CNTLN: variants seen among roughly 807,000 people sequenced by gnomAD.
The protein encoded by CNTLN is centlein.
In CNTLN, 212 loss-of-function variants were observed where a neutral mutation model predicts 180.0. That is an observed-to-expected ratio of 1.18 (90% CI 1.05 to 1.32). The LOEUF is 1.32. CNTLN is among the 40% of genes most tolerant of loss of function. The probability of loss-of-function intolerance (pLI) is 0.00; values close to 1 mark genes in which losing one functional copy is unlikely to be tolerated. For synonymous variants in CNTLN, 722 were observed against 563.1 expected, an observed-to-expected ratio of 1.28 and a Z score of -3.99; for missense variants, 2,095 against 1,610.9, an observed-to-expected ratio of 1.30 and a Z score of -5.14.
At chr9:17,251,452 T>C (rs1194866649) in intron 5 of CNTLN, among the ~76,000 whole-genome samples, 2 of 152,030 alleles carry the variant, frequency 1.3e-5, no homozygotes, top group East Asian at 3.9e-4. Context: ...TTATGCTCTT[T>C]AGACTCAATG....
At chr9:17,468,212 G>A (rs1831857426) in intron 23 of CNTLN, among the ~76,000 whole-genome samples, 1 of 151,578 alleles carries the variant, frequency 6.6e-6, no homozygotes, top group Non-Finnish European at 1.5e-5. Flanking sequence ...ACACAAAGAA[G>A]GCAACAATAG....
At chr9:17,254,490 T>A (rs1433961100) in intron 5 of CNTLN, among the ~76,000 whole-genome samples, 1 of 151,134 alleles carries the variant, frequency 6.6e-6, no homozygotes, top group Non-Finnish European at 1.5e-5. Flanking sequence ...GTGTATGGTG[T>A]AAGGGTCCAA....
At chr9:17,527,178 C>T in the CNTLN span, among the ~76,000 whole-genome samples, 6 of 152,162 alleles carry the variant, frequency 3.9e-5, no homozygotes, top group South Asian at 2.1e-4. Context: ...CCACCGTGCC[C>T]GGCCACCTAA....
rs142103225 is a variant in CNTLN, at chr9:17,169,483, C to T, written c.449+26107C>T. On this transcript the variant is annotated intron_variant, in intron 2 of 25. Coordinates refer to ENST00000380647, the MANE Select transcript of CNTLN (RefSeq NM_017738.4). ...GAGATTATAAAATCTTTGACAAGAC[C>T]GATGTCAAGGAGCTTTTCCCTATTG... Among the ~76,000 whole-genome samples, 403 of 152,166 alleles carry T rather than the reference C, an allele frequency of 2.6e-3. 6 individuals are homozygous for T. Among genetic ancestry groups the T allele is most frequent in the African/African-American group, 9.2e-3 (381 of 41,514 alleles).
intron 6 of CNTLN, among the ~76,000 whole-genome samples, chr9:17,282,302 C>G (rs10963002): frequency 6.6e-6 from 1 of 152,092 alleles, no homozygotes; most frequent in African/African-American, 2.4e-5. Context: ...GAGATGGTAT[C>G]TTATTGTGGT....
chr9:17,358,560 C>A (rs113818758), intron 12 of CNTLN, among the ~76,000 whole-genome samples: 25 of 152,102 alleles, frequency 1.6e-4, no homozygotes, highest in African/African-American at 5.3e-4. Context: ...TATCAAAAAT[C>A]AAAGTGATGA....
chr9:17,306,772 T>G (rs1380712979), intron 7 of CNTLN, among the ~76,000 whole-genome samples: 1 of 152,214 alleles, frequency 6.6e-6, no homozygotes, highest in Non-Finnish European at 1.5e-5. Context: ...TGTTCTATTA[T>G]TTACCTCAGA....
In CNTLN at chr9:17,335,557, C is replaced by T. The variant is rs981198288; in HGVS notation, c.1644+2827C>T. ...TTTAATCAATTCAGAATTAGAATTG[C>T]AAAGATCTTTGAGGAAAAGGTCAGT... On this transcript the variant is annotated intron_variant, in intron 10 of 25. Coordinates refer to ENST00000380647, the MANE Select transcript of CNTLN (RefSeq NM_017738.4). Among the ~76,000 whole-genome samples the T allele has an allele frequency of 4.6e-5, 7 of 152,244 alleles. No homozygotes were observed. The East Asian group carries it at 1.4e-3, about 29-fold the overall frequency.
intron 5 of CNTLN, among the ~76,000 whole-genome samples, chr9:17,271,063 G>A (rs925718071): frequency 5.4e-5 from 8 of 148,036 alleles, no homozygotes; most frequent in Admixed American, 4.9e-4. Flanking sequence ...CCATTCTCCT[G>A]CCTCAGCCTC....
chr9:17,223,515 AG>A, intron 2 of CNTLN, among the ~76,000 whole-genome samples: 1 of 152,100 alleles, frequency 6.6e-6, no homozygotes, highest in Non-Finnish European at 1.5e-5. Flanking sequence ...CCAGTTGTGT[AG>A]GCAAAAGCTT....
intron 23 of CNTLN, among the ~76,000 whole-genome samples, chr9:17,482,630 G>A (rs948694135): frequency 4.6e-5 from 7 of 152,250 alleles, no homozygotes; most frequent in African/African-American, 7.2e-5. Context: ...AACCAAACAA[G>A]CAAGAACAGC....
At chr9:17,187,282 CTT>C (rs549062656) in intron 2 of CNTLN, among the ~76,000 whole-genome samples, 76 of 152,108 alleles carry the variant, frequency 5.0e-4, no homozygotes, top group Non-Finnish European at 8.2e-4. Context: ...ATGTCAAACT[CTT>C]TTGTAAGTTA....
the CNTLN span, among the ~76,000 whole-genome samples, chr9:17,526,903 G>A: frequency 2.6e-5 from 4 of 151,640 alleles, no homozygotes; most frequent in Non-Finnish European, 4.4e-5. Flanking sequence ...ATTTTGAGGC[G>A]GAGTCTCGCT....
At chr9:17,270,214 G>C (rs1393152131) in intron 5 of CNTLN, among the ~76,000 whole-genome samples, 2 of 151,804 alleles carry the variant, frequency 1.3e-5, no homozygotes, top group Non-Finnish European at 2.9e-5. Flanking sequence ...ATTTTTTAAT[G>C]AACATTTCAC....
chr9:17,255,791 G>T (rs1826445127), intron 5 of CNTLN, among the ~76,000 whole-genome samples: 1 of 151,764 alleles, frequency 6.6e-6, no homozygotes, highest in Non-Finnish European at 1.5e-5. Flanking sequence ...CTAGACCCAT[G>T]CTTTGTTGAT....
At chr9:17,262,746 TAAAG>T (rs1194691784) in intron 5 of CNTLN, among the ~76,000 whole-genome samples, 2 of 151,202 alleles carry the variant, frequency 1.3e-5, no homozygotes, top group Admixed American at 6.6e-5. Context: ...AAAAATAAAA[TAAAG>T]AAAAGAAAGA....
the CNTLN span, among the ~76,000 whole-genome samples, chr9:17,520,017 C>T: frequency 2.6e-5 from 4 of 152,108 alleles, 1 homozygote; most frequent in South Asian, 4.1e-4. Context: ...TTTTTAAAAC[C>T]GAAAGCTAGG....
chr9:17,283,929 A>G (rs747771036), intron 6 of CNTLN, among the ~76,000 whole-genome samples: 1 of 152,200 alleles, frequency 6.6e-6, no homozygotes, highest in Non-Finnish European at 1.5e-5. Flanking sequence ...CCAGCCTTGC[A>G]TCTTGGGAAT....
At chr9:17,194,843 A>T (rs116195728) in intron 2 of CNTLN, among the ~76,000 whole-genome samples, 369 of 152,324 alleles carry the variant, frequency 2.4e-3, no homozygotes, top group African/African-American at 8.2e-3. Flanking sequence ...ACAGTTTTAC[A>T]TGGCTGGGGA....
Sources: allele counts gnomAD v4.1 joint callset (sites outside exome capture counted in the v4.1 genomes callset), GRCh38; gene constraint gnomAD v4.1.1; transcripts MANE v1.5; gene names NCBI Gene and HGNC (gene_info 2026-07-23, HGNC 2026-07-21).